The following SP100 variants were observed in gnomAD, a reference collection of about 807,000 sequenced individuals.
The protein encoded by SP100 is nuclear autoantigen Sp-100.
In SP100, 84 loss-of-function variants were observed where a neutral mutation model predicts 130.0. The observed-to-expected ratio is 0.65, with a 90% CI of 0.54 to 0.77. The LOEUF (loss-of-function observed/expected upper bound fraction) is 0.77. Ranked by LOEUF, SP100 falls within the 30% of genes least tolerant of loss-of-function variation. The pLI, the probability that SP100 is intolerant of heterozygous loss-of-function variation, is 0.00. For synonymous variants in SP100, 331 were observed against 351.7 expected, an observed-to-expected ratio of 0.94 and a Z score of 0.66; for missense variants, 978 against 1,052.2, an observed-to-expected ratio of 0.93 and a Z score of 0.97.
At chr2:230,450,849 T>C (rs2063943746) in intron 8 of SP100, among the ~76,000 whole-genome samples, 1 of 152,212 alleles carries the variant, frequency 6.6e-6, no homozygotes, top group African/African-American at 2.4e-5. Flanking sequence ...TAGATGTATT[T>C]CATTGTGTAT....
At chr2:230,454,947 A>G (rs373693514) in intron 8 of SP100, among the ~76,000 whole-genome samples, 2 of 152,152 alleles carry the variant, frequency 1.3e-5, no homozygotes, top group Non-Finnish European at 2.9e-5. Context: ...TTTGTTTTAT[A>G]TATTTAGTTG....
intron 17 of SP100, among the ~76,000 whole-genome samples, chr2:230,476,080 GCTTTT>G (rs1268642499): frequency 5.9e-5 from 9 of 152,062 alleles, no homozygotes; most frequent in Non-Finnish European, 1.3e-4. Flanking sequence ...GAAAAATGAC[GCTTTT>G]ATTTTAATAA....
At chr2:230,438,692 G>GTA (rs964985232) in intron 2 of SP100, among the ~76,000 whole-genome samples, 27 of 117,990 alleles carry the variant, frequency 2.3e-4, no homozygotes, top group East Asian at 1.7e-3. Flanking sequence ...CACACATATG[G>GTA]TATATATATA....
chr2:230,470,521 C>A, intron 15 of SP100: 2 of 607,908 alleles, frequency 3.3e-6, no homozygotes, highest in Non-Finnish European at 4.1e-6. Flanking sequence ...TCAGATCAAA[C>A]ACTCTCAAAC....
At chr2:230,454,068 A>G (rs976370433) in intron 8 of SP100, among the ~76,000 whole-genome samples, 1 of 152,202 alleles carries the variant, frequency 6.6e-6, no homozygotes, top group Middle Eastern at 3.4e-3. Context: ...AGGTTATCCA[A>G]TTTGTTGGCA....
chr2:230,474,452 GAACA>G lies in SP100; in HGVS notation c.1600+8_1600+11del, dbSNP rs750945655. The G allele has an allele frequency of 1.5e-6, 2 of 1,293,096 alleles. No homozygotes were observed. The highest frequency in any genetic ancestry group is 2.4e-5 in the East Asian group (1 of 42,410). The allele number at this position is 1,293,096 out of a possible 1,614,324, so 80.1% of individuals were successfully genotyped here. On this transcript the variant is annotated splice_donor_region_variant and intron_variant, in intron 17 of 28. Transcript: ENST00000340126. ...AAAAACACAGTGGGAAAAGAAGTAA[GAACA>G]AATAAGAATTTACTTAATTTTTATG...
chr2:230,433,281 G>A (rs1432369361), intron 2 of SP100, among the ~76,000 whole-genome samples: 3 of 151,942 alleles, frequency 2.0e-5, no homozygotes, highest in African/African-American at 2.4e-5. Flanking sequence ...TAATTGCCTT[G>A]GCACTTTTGT....
At chr2:230,424,527 G>A (rs1031404570) in intron 2 of SP100, among the ~76,000 whole-genome samples, 1 of 152,070 alleles carries the variant, frequency 6.6e-6, no homozygotes, top group Non-Finnish European at 1.5e-5. Context: ...AATTAGCTGG[G>A]CGTGGTGGCA....
Position 230,447,702 on chromosome 2 carries a change from G to A in SP100, c.523+800G>A, listed in dbSNP as rs189340523. Among the ~76,000 whole-genome samples, 223 of 152,320 alleles carry A rather than the reference G, an allele frequency of 1.5e-3. 6 individuals carry two copies. In the East Asian group the frequency reaches 0.039, roughly 27 times the overall value. Reference sequence around the variant, plus strand: ...AGAGCTTCTGCCCTCTCTGGGACACGACTCTCCTGGCACTTCCATGTGTTT... The same window carrying A: ...AGAGCTTCTGCCCTCTCTGGGACACAACTCTCCTGGCACTTCCATGTGTTT... On this transcript the variant is annotated intron_variant, in intron 5 of 28. Transcript: ENST00000340126.
chr2:230,512,335 G>C (rs546406620), intron 24 of SP100, among the ~76,000 whole-genome samples: 13 of 126,160 alleles, frequency 1.0e-4, no homozygotes, highest in Non-Finnish European at 7.8e-5. Context: ...CATTGCCCAG[G>C]CTGGAGTCCA....
chr2:230,452,618 C>A (rs576610527), intron 8 of SP100, among the ~76,000 whole-genome samples: 1 of 152,228 alleles, frequency 6.6e-6, no homozygotes, highest in South Asian at 2.1e-4. Context: ...TCATCAATGC[C>A]TTAGCATTTT....
At chr2:230,420,878 T>C (rs1234967494) in intron 2 of SP100, among the ~76,000 whole-genome samples, 4 of 152,216 alleles carry the variant, frequency 2.6e-5, no homozygotes, top group African/African-American at 7.2e-5. Context: ...CTTCTGTATT[T>C]TGAAATGATG....
At chr2:230,455,582 A>G (rs1485130010) in intron 8 of SP100, among the ~76,000 whole-genome samples, 1 of 152,132 alleles carries the variant, frequency 6.6e-6, no homozygotes, top group Admixed American at 6.5e-5. Context: ...CAGCCACTCT[A>G]TGTCTTTTGA....
chr2:230,537,074 A>G (rs2150113837), intron 24 of SP100, among the ~76,000 whole-genome samples: 1 of 152,248 alleles, frequency 6.6e-6, no homozygotes, highest in African/African-American at 2.4e-5. Context: ...CCTGGGCAAC[A>G]TGGCAAAACC....
chr2:230,460,922 C>T (rs573936476), intron 8 of SP100, among the ~76,000 whole-genome samples: 1 of 21,138 alleles, frequency 4.7e-5, no homozygotes, highest in South Asian at 7.3e-4. Context: ...CGCGCCCGGC[C>T]GGTAATCTGT....
At position 230,494,413 on chromosome 2, in the gene SP100, C is replaced by T; in HGVS notation, c.1601-3C>T. On this transcript the variant is annotated splice_region_variant and splice_polypyrimidine_tract_variant and intron_variant, in intron 17 of 28. Coordinates refer to ENST00000340126, the MANE Select transcript of SP100 (RefSeq NM_001080391.2). ...GATTATTTTCTTTCTTTTCTGTTTG[C>T]AGGAAAAAAGAGAAGGCATAGATCT... The T allele has an allele frequency of 6.3e-7, 1 of 1,589,232 alleles. No homozygotes were observed. Among genetic ancestry groups the T allele is most frequent in the East Asian group, 2.2e-5 (1 of 44,704 alleles).
At position 230,450,469 on chromosome 2, in the gene SP100, C is replaced by T. The variant is rs147631759; in HGVS notation, c.820+214C>T. 6.3e-4 allele frequency among the ~76,000 whole-genome samples: 96 copies of T among 152,266 alleles called. No individual in the cohort carries two copies. In the East Asian group the frequency reaches 7.3e-3, roughly 12 times the overall value. On this transcript the variant is annotated intron_variant, in intron 8 of 28. Coordinates refer to ENST00000340126, the MANE Select transcript of SP100 (RefSeq NM_001080391.2). ...GCTAATTAGCATAAATATTACCTCA[C>T]GTACTTATCATTTTTGTGGTGATAA...
At chr2:230,540,803 G>A in intron 25 of SP100, 73 bp from the exon 26 acceptor site, 1 of 1,546,270 alleles carries the variant, frequency 6.5e-7, no homozygotes, top group African/African-American at 1.4e-5. Context: ...TTGAGCAGAG[G>A]ACTTGAACAA....
chr2:230,443,235 T>C (rs1203525406), intron 3 of SP100, 136 bp downstream of exon 3: 16 of 747,614 alleles, frequency 2.1e-5, no homozygotes, highest in Non-Finnish European at 3.5e-5. Flanking sequence ...TTTTCAAGTG[T>C]TTCTGTAAGT....
Sources: gnomAD v4.1 joint callset for allele counts (sites outside exome capture counted in the v4.1 genomes callset) on GRCh38, gnomAD v4.1.1 for gene constraint, MANE v1.5 for transcripts, NCBI Gene and HGNC (gene_info 2026-07-23, HGNC 2026-07-21) for gene names.